Variants in CLSTN2 observed in about 807,000 individuals in gnomAD.
The protein encoded by CLSTN2 is calsyntenin 2.
CLSTN2 carries 48 observed loss-of-function variants against 101.2 expected under a neutral mutation model. The observed-to-expected ratio is 0.47, with a 90% CI of 0.38 to 0.60. The LOEUF (loss-of-function observed/expected upper bound fraction) is 0.60, where lower values mean the gene tolerates loss of function less well. CLSTN2 is among the 20% of genes least tolerant of loss of function. The pLI, the probability that CLSTN2 is intolerant of heterozygous loss-of-function variation, is 0.00. For missense variants in CLSTN2, 1,160 were observed against 1,238.2 expected (o/e 0.94, Z 0.95); for synonymous variants, 481 against 463.6 (o/e 1.04, Z -0.48).
intron 2 of CLSTN2, among the ~76,000 whole-genome samples, chr3:140,234,438 G>A (rs2086398252): frequency 6.6e-6 from 1 of 152,076 alleles, no homozygotes; most frequent in Non-Finnish European, 1.5e-5. Context: ...TTAACTCTCA[G>A]GGTCTCGGTT....
At chr3:140,278,922 T>G (rs2086820408) in intron 2 of CLSTN2, among the ~76,000 whole-genome samples, 2 of 152,128 alleles carry the variant, frequency 1.3e-5, no homozygotes, top group Admixed American at 6.5e-5. Flanking sequence ...GGTCTCACTA[T>G]GTTTCCTGGA....
At chr3:140,395,899 C>A (rs1302353010) in intron 2 of CLSTN2, among the ~76,000 whole-genome samples, 1 of 152,174 alleles carries the variant, frequency 6.6e-6, no homozygotes, top group Non-Finnish European at 1.5e-5. Context: ...GCAGATGATA[C>A]CATAATCTGT....
rs1936032088 is a variant in CLSTN2, at chr3:140,566,582, G to C, written c.*329G>C. ...CCTGCAGGGAAGAAGGCCCACCTTT[G>C]TGTCACTCACCTCCCCAGGCTCAGA... On this transcript the variant is annotated 3_prime_UTR_variant, in exon 17 of 17. Transcript: ENST00000458420. 2.9e-6 allele frequency: 1 copy of C among 339,286 alleles called. No individual in the cohort carries two copies. Among genetic ancestry groups the C allele is most frequent in the African/African-American group, 2.1e-5 (1 of 48,026 alleles). The allele number at this position is 339,286 out of a possible 1,614,324, so 21.0% of individuals were successfully genotyped here.
At chr3:140,339,518 A>T (rs1576522564) in intron 2 of CLSTN2, among the ~76,000 whole-genome samples, 1 of 152,052 alleles carries the variant, frequency 6.6e-6, no homozygotes, top group African/African-American at 2.4e-5. Context: ...TCACCTGGGG[A>T]GCTTAAAAAG....
intron 8 of CLSTN2, among the ~76,000 whole-genome samples, chr3:140,503,675 A>T (rs1034816365): frequency 2.6e-5 from 4 of 152,258 alleles, no homozygotes; most frequent in African/African-American, 9.6e-5. Flanking sequence ...GAATGCTCTT[A>T]ATGAGCCAGC....
intron 1 of CLSTN2, among the ~76,000 whole-genome samples, chr3:140,008,790 G>A (rs983313538): frequency 6.6e-6 from 1 of 152,226 alleles, no homozygotes; most frequent in Non-Finnish European, 1.5e-5. Flanking sequence ...TGGCAAAGAC[G>A]GAGCTGGCTG....
chr3:140,371,868 A>G lies in CLSTN2; in HGVS notation c.233-31761A>G, dbSNP rs143571599. ...TCTGAAACTAGCCCTAACCCCAGGG[A>G]CATACCTACATTTCCCTTCCCAGGC... On this transcript the variant is annotated intron_variant, in intron 2 of 16. Transcript: ENST00000458420. Among the ~76,000 whole-genome samples the G allele has an allele frequency of 1.6e-3, 243 of 152,332 alleles. 1 individual carries two copies. The highest frequency in any genetic ancestry group is 5.5e-3 in the African/African-American group (229 of 41,570).
intron 5 of CLSTN2, among the ~76,000 whole-genome samples, chr3:140,429,426 G>T (rs918369516): frequency 6.6e-6 from 1 of 152,154 alleles, no homozygotes; most frequent in Non-Finnish European, 1.5e-5. Context: ...GAAAAATACT[G>T]GGCTTTAGCA....
chr3:140,364,316 T>C (rs2087761083), intron 2 of CLSTN2, among the ~76,000 whole-genome samples: 1 of 152,128 alleles, frequency 6.6e-6, no homozygotes, highest in Admixed American at 6.5e-5. Context: ...GCTGGGGGCC[T>C]GGGGCTTGAT....
intron 1 of CLSTN2, among the ~76,000 whole-genome samples, chr3:140,054,869 G>A (rs544663620): frequency 4.5e-4 from 69 of 152,330 alleles, no homozygotes; most frequent in African/African-American, 1.6e-3. Context: ...ATGCCTATCG[G>A]ATTCTGTAGC....
chr3:140,173,496 T>C (rs2010271367), intron 1 of CLSTN2, among the ~76,000 whole-genome samples: 2 of 152,156 alleles, frequency 1.3e-5, no homozygotes, highest in Admixed American at 1.3e-4. Flanking sequence ...AGACAGTGGC[T>C]CTCTTCTCAC....
intron 2 of CLSTN2, among the ~76,000 whole-genome samples, chr3:140,183,549 G>T (rs2010440113): frequency 6.6e-6 from 1 of 152,282 alleles, no homozygotes; most frequent in Non-Finnish European, 1.5e-5. Flanking sequence ...GAAATCAATA[G>T]TAATAGCAGA....
intron 1 of CLSTN2, among the ~76,000 whole-genome samples, chr3:139,963,393 A>G (rs1935543239): frequency 6.6e-6 from 1 of 152,006 alleles, no homozygotes; most frequent in Non-Finnish European, 1.5e-5. Context: ...TTCCAATCAC[A>G]TTACCTCCTT....
chr3:140,244,570 T>C (rs1282971900), intron 2 of CLSTN2, among the ~76,000 whole-genome samples: 1 of 152,196 alleles, frequency 6.6e-6, no homozygotes, highest in African/African-American at 2.4e-5. Context: ...TTTGTAACCC[T>C]GGCCCTTAAG....
chr3:140,121,132 T>A (rs1437415048), intron 1 of CLSTN2, among the ~76,000 whole-genome samples: 3 of 152,020 alleles, frequency 2.0e-5, no homozygotes, highest in African/African-American at 7.2e-5. Context: ...CTAGAAACAG[T>A]GAGATATTAC....
Position 140,379,727 on chromosome 3 carries a change from G to C in CLSTN2, c.233-23902G>C, listed in dbSNP as rs150670144. Among the ~76,000 whole-genome samples, 278 of 152,200 alleles carry C rather than the reference G, an allele frequency of 1.8e-3. 1 individual carries two copies. Among genetic ancestry groups the C allele is most frequent in the African/African-American group, 6.5e-3 (270 of 41,536 alleles). On this transcript the variant is annotated intron_variant, in intron 2 of 16. Coordinates refer to ENST00000458420, the MANE Select transcript of CLSTN2 (RefSeq NM_022131.3). ...GTTAAATATGTTTGCCATATCCGTA[G>C]GATGGAATATTATGTAGCCACCAAA... is the stretch of plus-strand genomic sequence containing the variant.
chr3:140,326,237 G>A (rs922376427), intron 2 of CLSTN2, among the ~76,000 whole-genome samples: 2 of 152,158 alleles, frequency 1.3e-5, no homozygotes, highest in South Asian at 2.1e-4. Context: ...CCTGCCAGGG[G>A]ATAAATCTTC....
chr3:140,217,432 A>G (rs1387047445), intron 2 of CLSTN2, among the ~76,000 whole-genome samples: 2 of 152,172 alleles, frequency 1.3e-5, no homozygotes, highest in African/African-American at 2.4e-5. Context: ...TCTTCATTCA[A>G]CCCACAATGA....
At chr3:140,437,009 G>T (rs936243165) in intron 5 of CLSTN2, among the ~76,000 whole-genome samples, 1 of 151,496 alleles carries the variant, frequency 6.6e-6, no homozygotes, top group African/African-American at 2.4e-5. Context: ...GCTGAACCAG[G>T]CAGGCAAGGA....
Sources: gnomAD v4.1 joint callset for allele counts (sites outside exome capture counted in the v4.1 genomes callset) on GRCh38, gnomAD v4.1.1 for gene constraint, MANE v1.5 for transcripts, NCBI Gene and HGNC (gene_info 2026-07-23, HGNC 2026-07-21) for gene names.